Variants in PCDH17 observed in about 807,000 individuals in gnomAD.
PCDH17 encodes protocadherin-17.
In PCDH17, 21 loss-of-function variants were observed where a neutral mutation model predicts 67.7. The ratio of observed to expected loss-of-function variants is 0.31; its 90% CI spans 0.22 to 0.45. PCDH17 has a LOEUF of 0.45. Among genes scored for constraint, PCDH17 ranks in the 20% least tolerant of loss-of-function variants. PCDH17 has a pLI of 1.00. For synonymous variants in PCDH17, 701 were observed against 656.7 expected (o/e 1.07, Z -1.03); for missense variants, 1,471 against 1,564.8 (o/e 0.94, Z 1.01).
chr13:57,634,668 C>T lies in PCDH17; in HGVS notation c.2122C>T (p.Leu708Phe). The change falls in exon 1 of 4, where the codon CTC becomes TTC. Residue 708 changes from leucine (L) to phenylalanine (F), a missense_variant. Leu to Phe is a conservative substitution (Grantham distance 22). Transcript: ENST00000377918. The surrounding 1 kb of genome is among the most constrained non-coding windows in gnomAD (Gnocchi z 7.8). ...GCACCACTGGGACATGTCGCTGCCGCTCATCGTGACTCTGAGCACTATCTC... is the reference window on the plus strand; with the variant it reads ...GCACCACTGGGACATGTCGCTGCCGTTCATCGTGACTCTGAGCACTATCTC... ...EQHHWDMSLPLIVTLSTISII... is the reference protein window; with the variant it reads ...EQHHWDMSLPFIVTLSTISII... The T allele has an allele frequency of 1.9e-6, 3 of 1,613,690 alleles. No individual in the cohort carries two copies. The highest frequency in any genetic ancestry group is 2.5e-6 in the Non-Finnish European group (3 of 1,180,012).
At chr13:57,650,265 A>T (rs1363538309) in intron 1 of PCDH17, among the ~76,000 whole-genome samples, 1 of 88,132 alleles carries the variant, frequency 1.1e-5, no homozygotes, top group Non-Finnish European at 2.3e-5. Flanking sequence ...TGTGTGTAAT[A>T]ACAGATACTC....
intron 1 of PCDH17, among the ~76,000 whole-genome samples, chr13:57,638,126 A>G (rs1371911976): frequency 6.6e-6 from 1 of 152,088 alleles, no homozygotes; most frequent in African/African-American, 2.4e-5. Flanking sequence ...AACATATAAA[A>G]CTGATTTTGA....
At chr13:57,669,155 A>G (rs1044902868) in intron 3 of PCDH17, among the ~76,000 whole-genome samples, 1 of 151,960 alleles carries the variant, frequency 6.6e-6, no homozygotes, top group African/African-American at 2.4e-5. Flanking sequence ...CCATGTCCCT[A>G]CATTTTTTAA....
chr13:57,709,072 A>C (rs996751991), intron 3 of PCDH17, among the ~76,000 whole-genome samples: 1 of 150,526 alleles, frequency 6.6e-6, no homozygotes, highest in Admixed American at 6.7e-5. Flanking sequence ...TAGGTAACAA[A>C]AAAATAGAAG....
In PCDH17 at chr13:57,634,626, C is replaced by G. The variant is rs776873573; in HGVS notation, c.2080C>G (p.Arg694Gly). ...CGGATCCCTTCCCGAGGGGGTACCA[C>G]GGGTGAATGGCGAGCAGCACCACTG... Reference protein sequence around the residue: ...VSGSLPEGVPRVNGEQHHWDM... With the variant: ...VSGSLPEGVPGVNGEQHHWDM... The change falls in exon 1 of 4, where the codon CGG becomes GGG. Residue 694 changes from arginine to glycine, a missense_variant. Physicochemically the swap from Arg to Gly is moderately radical, Grantham distance 125 (BLOSUM62 -2). Transcript: ENST00000377918. This position sits in a 1 kb window ranked among gnomAD's most constrained non-coding sequence, Gnocchi z 7.8. 1.2e-6 allele frequency: 2 copies of G among 1,613,444 alleles called. No homozygotes were observed. The highest frequency in any genetic ancestry group is 8.5e-7 in the Non-Finnish European group (1 of 1,180,004).
chr13:57,711,767 A>C (rs999559514), intron 3 of PCDH17, among the ~76,000 whole-genome samples: 1 of 150,260 alleles, frequency 6.7e-6, no homozygotes, highest in Non-Finnish European at 1.5e-5. Flanking sequence ...ATGTTATAAA[A>C]TAATCAGAAT....
At chr13:57,705,289 A>T (rs1955711535) in intron 3 of PCDH17, among the ~76,000 whole-genome samples, 1 of 152,038 alleles carries the variant, frequency 6.6e-6, no homozygotes, top group Non-Finnish European at 1.5e-5. Flanking sequence ...AAATATAATC[A>T]ATGCCTTTTA....
intron 1 of PCDH17, among the ~76,000 whole-genome samples, chr13:57,646,433 A>G (rs930361349): frequency 2.0e-5 from 3 of 151,676 alleles, no homozygotes; most frequent in Non-Finnish European, 4.4e-5. Context: ...GTGCAAATTT[A>G]TGGGGTACAT....
chr13:57,633,855 G>A lies in PCDH17; in HGVS notation c.1309G>A (p.Glu437Lys). The change falls in exon 1 of 4, where the codon GAG becomes AAG. Residue 437 changes from glutamate (E) to lysine (K), a missense_variant. By Grantham distance (56) the Glu-to-Lys change is moderately conservative. Transcript: ENST00000377918. This position sits in a 1 kb window ranked among gnomAD's most constrained non-coding sequence, Gnocchi z 6.2. ...DRPLDRETQDEYNVTIVARDG... is the reference protein window; with the variant it reads ...DRPLDRETQDKYNVTIVARDG... ...CCCGCTGGACCGCGAGACACAAGAC[G>A]AGTACAACGTGACCATCGTGGCGCG... 1.2e-6 allele frequency: 2 copies of A among 1,613,024 alleles called. No individual in the cohort carries two copies. Among genetic ancestry groups the A allele is most frequent in the Non-Finnish European group, 1.7e-6 (2 of 1,180,032 alleles).
chr13:57,724,508 A>G, intron 3 of PCDH17, 104 bp from the exon 4 acceptor site: 1 of 824,356 alleles, frequency 1.2e-6, no homozygotes, highest in Non-Finnish European at 1.9e-6. Context: ...TTTAATTAAG[A>G]GACCAGAGGT....
intron 3 of PCDH17, among the ~76,000 whole-genome samples, chr13:57,699,710 G>A (rs1043560645): frequency 1.3e-5 from 2 of 151,128 alleles, no homozygotes; most frequent in Non-Finnish European, 3.0e-5. Context: ...GTTCTTTGTG[G>A]TACCCATTGT....
intron 3 of PCDH17, among the ~76,000 whole-genome samples, chr13:57,723,727 G>T (rs1464933876): frequency 2.0e-5 from 3 of 152,160 alleles, no homozygotes; most frequent in African/African-American, 7.2e-5. Flanking sequence ...GTCAATGGAA[G>T]TATGCAGCTC....
At chr13:57,700,392 C>G (rs1323895250) in intron 3 of PCDH17, among the ~76,000 whole-genome samples, 1 of 149,462 alleles carries the variant, frequency 6.7e-6, no homozygotes, top group Non-Finnish European at 1.5e-5. Context: ...GATCTTGGCT[C>G]ACTGCAACCA....
chr13:57,726,543 G>A lies in PCDH17; in HGVS notation c.*1249G>A, dbSNP rs1396937278. ...GCAGTGCCTCAGAGCAAAGTCTCTT[G>A]TTTAATGTATAGTCTACCAAGTACT... On this transcript the variant is annotated 3_prime_UTR_variant, in exon 4 of 4. Transcript: ENST00000377918. 1 of 152,584 alleles carries A rather than the reference G, an allele frequency of 6.6e-6. No homozygotes were observed. The highest frequency in any genetic ancestry group is 2.4e-5 in the African/African-American group (1 of 41,448). 9.5% of individuals were successfully genotyped at this position (152,584 alleles called of 1,614,324 possible).
intron 1 of PCDH17, among the ~76,000 whole-genome samples, chr13:57,653,055 G>T (rs1955061144): frequency 6.6e-6 from 1 of 152,070 alleles, no homozygotes. Context: ...AGGTTCTCTA[G>T]CTTTGTCTTG....
chr13:57,680,580 A>AT lies in PCDH17; in HGVS notation c.2797+13757dup, dbSNP rs994116495. ...CTAGTCAGGTTATTGCTTTAGAATGATTTTTTTTTTATTATACTTTAAGTT... is the reference window on the plus strand; with the variant it reads ...CTAGTCAGGTTATTGCTTTAGAATGATTTTTTTTTTTATTATACTTTAAGTT... On this transcript the variant is annotated intron_variant, in intron 3 of 3. Transcript: ENST00000377918. 5.2e-3 allele frequency among the ~76,000 whole-genome samples: 769 copies of AT among 149,146 alleles called. 6 individuals carry two copies. The highest frequency in any genetic ancestry group is 7.7e-3 in the Non-Finnish European group (514 of 66,868).
chr13:57,654,550 AAGATTGCTTGTTTCACT>A (rs1201522450), intron 1 of PCDH17, among the ~76,000 whole-genome samples: 1 of 152,104 alleles, frequency 6.6e-6, no homozygotes, highest in Admixed American at 6.5e-5. Context: ...GTCATTAAGT[AAGATTGCTTGTTTCACT>A]AGAGGAGAAA....
In PCDH17 at chr13:57,663,272, A is replaced by G. The variant is rs117845339; in HGVS notation, c.2566-3196A>G. Among the ~76,000 whole-genome samples, 597 of 152,290 alleles carry G rather than the reference A, an allele frequency of 3.9e-3. 2 individuals are homozygous for G. The highest frequency in any genetic ancestry group is 6.9e-3 in the Non-Finnish European group (471 of 68,000). On this transcript the variant is annotated intron_variant, in intron 1 of 3. Coordinates refer to ENST00000377918, the MANE Select transcript of PCDH17 (RefSeq NM_001040429.3). Reference sequence around the variant, plus strand: ...CACTAGTGATTAGTTTGCATGAAAGATAAGGTTTTCAAGCATTGTAAATAT... The same window carrying G: ...CACTAGTGATTAGTTTGCATGAAAGGTAAGGTTTTCAAGCATTGTAAATAT...
intron 3 of PCDH17, among the ~76,000 whole-genome samples, chr13:57,693,913 GAATAC>G (rs1955583150): frequency 6.7e-6 from 1 of 149,844 alleles, no homozygotes; most frequent in South Asian, 2.1e-4. Flanking sequence ...GAGGTTGCAG[GAATAC>G]TTCCAACTTA....
Sources: allele counts gnomAD v4.1 joint callset (sites outside exome capture counted in the v4.1 genomes callset), GRCh38; gene constraint gnomAD v4.1.1; non-coding constraint Gnocchi (gnomAD v3.1); transcripts MANE v1.5; gene names NCBI Gene and HGNC (gene_info 2026-07-23, HGNC 2026-07-21).